ZNF652: variants seen among roughly 807,000 people sequenced by gnomAD.
ZNF652 encodes the protein zinc finger protein 652.
Under a neutral mutation model 45.2 loss-of-function variants are expected in ZNF652, and 16 were observed. The observed-to-expected ratio is 0.35, with a 90% confidence interval of 0.24 to 0.54. The LOEUF (loss-of-function observed/expected upper bound fraction) is 0.54. ZNF652 is among the 20% of genes least tolerant of loss of function. ZNF652 has a pLI of 0.91. For missense variants in ZNF652, 614 were observed against 765.6 expected, an observed-to-expected ratio of 0.80 and a Z score of 2.34; for synonymous variants, 250 against 260.6, an observed-to-expected ratio of 0.96 and a Z score of 0.39.
intron 1 of ZNF652, among the ~76,000 whole-genome samples, chr17:49,327,987 A>G (rs6504606): frequency 0.82 from 124,160 of 151,296 alleles, 51,488 homozygotes; most frequent in African/African-American, 0.96. Flanking sequence ...GCCTGCATTA[A>G]AAATCTGGCT....
At chr17:49,352,937 A>T (rs2070297790) in intron 1 of ZNF652, among the ~76,000 whole-genome samples, 1 of 152,202 alleles carries the variant, frequency 6.6e-6, no homozygotes, top group Non-Finnish European at 1.5e-5. Flanking sequence ...AACTACAGTG[A>T]CAACAGATCG....
At chr17:49,341,205 G>A (rs1017597795) in intron 1 of ZNF652, among the ~76,000 whole-genome samples, 1 of 151,806 alleles carries the variant, frequency 6.6e-6, no homozygotes, top group Non-Finnish European at 1.5e-5. Flanking sequence ...GTGACAGAGC[G>A]AGACTGTCTC....
In ZNF652 at chr17:49,295,483, T is replaced by C. The variant is rs980091812; in HGVS notation, c.*2930A>G. On this transcript the variant is annotated 3_prime_UTR_variant, in exon 6 of 6. Coordinates refer to ENST00000430262, the MANE Select transcript of ZNF652 (RefSeq NM_001145365.3). ...TTTGCTTAATACTGGTTTTCCTGTA[T>C]AGCAGATATTTTCTTATGGCTATAT... 1.3e-4 allele frequency: 20 copies of C among 152,404 alleles called. No individual in the cohort carries two copies. Among genetic ancestry groups the C allele is most frequent in the African/African-American group, 4.6e-4 (19 of 41,550 alleles). 9.4% of individuals were successfully genotyped at this position (152,404 alleles called of 1,614,324 possible).
Position 49,298,325 on chromosome 17 carries a change from G to GA in ZNF652, c.*87dup, listed in dbSNP as rs1450778383. 6.5e-7 allele frequency: 1 copy of GA among 1,530,846 alleles called. No homozygotes were observed. Among genetic ancestry groups the GA allele is most frequent in the Non-Finnish European group, 8.9e-7 (1 of 1,129,172 alleles). The allele number at this position is 1,530,846 out of a possible 1,614,324, so 94.8% of individuals were successfully genotyped here. A position where few individuals can be genotyped will look rare whatever the true frequency, so the allele number is the denominator to read the frequency against. ...TCTTGGTAGAGGCGGAGGAGAGTCT[G>GA]AGAACTAAGGAAATGCTCACCGACT... On this transcript the variant is annotated 3_prime_UTR_variant, in exon 6 of 6. Coordinates refer to ENST00000430262, the MANE Select transcript of ZNF652 (RefSeq NM_001145365.3).
chr17:49,341,600 G>A (rs1175522064), intron 1 of ZNF652, among the ~76,000 whole-genome samples: 1 of 151,654 alleles, frequency 6.6e-6, no homozygotes. Flanking sequence ...GGAGGTCAAG[G>A]CTCCAGTGAG....
At chr17:49,306,034 C>T (rs1179160757) in intron 5 of ZNF652, among the ~76,000 whole-genome samples, 1 of 152,202 alleles carries the variant, frequency 6.6e-6, no homozygotes, top group Non-Finnish European at 1.5e-5. Context: ...ATTTCTCCTG[C>T]ACCCTTTAGG....
chr17:49,297,339 G>C lies in ZNF652; in HGVS notation c.*1074C>G, dbSNP rs1209800155. On this transcript the variant is annotated 3_prime_UTR_variant, in exon 6 of 6. Coordinates refer to ENST00000430262, the MANE Select transcript of ZNF652 (RefSeq NM_001145365.3). The stretch of plus-strand genomic sequence containing the variant: ...GGAAGTGAGAAACAGACGTGACTGA[G>C]ATGAAATGATCTCCACTACTTCCTC... The C allele has an allele frequency of 6.6e-6, 1 of 152,592 alleles. No homozygotes were observed. The highest frequency in any genetic ancestry group is 1.5e-5 in the Non-Finnish European group (1 of 68,034). The allele number at this position is 152,592 out of a possible 1,614,324, so 9.5% of individuals were successfully genotyped here. A position where few individuals can be genotyped will look rare whatever the true frequency, so the allele number is the denominator to read the frequency against.
chr17:49,358,088 A>T (rs771378142), intron 1 of ZNF652, among the ~76,000 whole-genome samples: 2 of 152,216 alleles, frequency 1.3e-5, no homozygotes, highest in African/African-American at 2.4e-5. Context: ...AACTGCTAGG[A>T]GTTTACATAC....
intron 1 of ZNF652, among the ~76,000 whole-genome samples, chr17:49,349,492 G>C (rs1198954443): frequency 6.6e-6 from 1 of 152,194 alleles, no homozygotes; most frequent in Non-Finnish European, 1.5e-5. Flanking sequence ...GGTAAGTGTA[G>C]AGTGAAAGAT....
At chr17:49,359,614 A>C (rs1384414478) in intron 1 of ZNF652, among the ~76,000 whole-genome samples, 1 of 152,224 alleles carries the variant, frequency 6.6e-6, no homozygotes, top group African/African-American at 2.4e-5. Context: ...AGCTGGAATA[A>C]ATATCTCCTG....
At chr17:49,355,754 T>C (rs1013030049) in intron 1 of ZNF652, among the ~76,000 whole-genome samples, 1 of 151,594 alleles carries the variant, frequency 6.6e-6, no homozygotes, top group Non-Finnish European at 1.5e-5. Context: ...AAAAATTATC[T>C]GGGCATGGTG....
intron 1 of ZNF652, among the ~76,000 whole-genome samples, chr17:49,357,742 C>T (rs1445627907): frequency 1.3e-5 from 2 of 152,120 alleles, no homozygotes; most frequent in Non-Finnish European, 2.9e-5. Context: ...CCTAAAATAC[C>T]CCTTTCACTA....
In ZNF652 at chr17:49,350,970, C is replaced by CATATATAT. The variant is rs372720324; in HGVS notation, c.-259+10931_-259+10938dup. Among the ~76,000 whole-genome samples the CATATATAT allele has an allele frequency of 4.5e-3, 188 of 42,026 alleles. 3 individuals are homozygous for CATATATAT. Among genetic ancestry groups the CATATATAT allele is most frequent in the Non-Finnish European group, 6.7e-3 (137 of 20,384 alleles). 27.6% of individuals were successfully genotyped at this position (42,026 alleles called of 152,430 possible). A position where few individuals can be genotyped will look rare whatever the true frequency, so the allele number is the denominator to read the frequency against. ...GGGTGACAGAGCAAGACTCTGTCTA[C>CATATATAT]ATATATATATATATATATATATATA... On this transcript the variant is annotated intron_variant, in intron 1 of 5. Transcript: ENST00000430262.
intron 1 of ZNF652, among the ~76,000 whole-genome samples, chr17:49,327,733 ATATATATATATATATATATATAT>A (rs2069971759): frequency 1.8e-4 from 1 of 5,556 alleles, no homozygotes; most frequent in South Asian, 5.7e-3. Flanking sequence ...ATAAATAAAT[ATATATATATATATATATATATAT>A]ATATATATAT....
intron 1 of ZNF652, among the ~76,000 whole-genome samples, chr17:49,359,563 G>GTTAAAAT (rs1598322690): frequency 6.6e-6 from 1 of 152,262 alleles, no homozygotes; most frequent in East Asian, 1.9e-4. Context: ...TAAAGAGCCG[G>GTTAAAAT]TACTGTGCTT....
chr17:49,326,159 T>C, intron 1 of ZNF652, among the ~76,000 whole-genome samples: 1 of 147,748 alleles, frequency 6.8e-6, no homozygotes, highest in African/African-American at 2.5e-5. Context: ...ATGCCTGTAA[T>C]CTCAGTACTG....
At chr17:49,335,024 A>G (rs964491000) in intron 1 of ZNF652, among the ~76,000 whole-genome samples, 8 of 152,092 alleles carry the variant, frequency 5.3e-5, no homozygotes, top group African/African-American at 1.9e-4. Context: ...GGCAATGAAA[A>G]TGTTCTGGAA....
chr17:49,351,173 T>C lies in ZNF652; in HGVS notation c.-259+10736A>G, dbSNP rs145235272. On this transcript the variant is annotated intron_variant, in intron 1 of 5. Coordinates refer to ENST00000430262, the MANE Select transcript of ZNF652 (RefSeq NM_001145365.3). ...CTTGGGTTTTTCACCAGAATCCACA[T>C]ACAAACACGTGTAAGTATGCTTTAT... Among the ~76,000 whole-genome samples the C allele has an allele frequency of 4.7e-3, 712 of 151,858 alleles. 3 individuals are homozygous for C. Among genetic ancestry groups the C allele is most frequent in the Non-Finnish European group, 7.8e-3 (533 of 67,964 alleles).
intron 1 of ZNF652, among the ~76,000 whole-genome samples, chr17:49,343,837 T>C (rs986970409): frequency 1.6e-4 from 24 of 151,926 alleles, no homozygotes; most frequent in Non-Finnish European, 5.9e-5. Flanking sequence ...CGAGGATTGC[T>C]TGAGGCCCAG....
Sources: gnomAD v4.1 joint callset for allele counts (sites outside exome capture counted in the v4.1 genomes callset) on GRCh38, gnomAD v4.1.1 for gene constraint, MANE v1.5 for transcripts, NCBI Gene and HGNC (gene_info 2026-07-23, HGNC 2026-07-21) for gene names.